Variants in DZIP3 observed in about 807,000 individuals in gnomAD.
DZIP3 encodes DAZ interacting zinc finger protein 3.
A neutral mutation model predicts 162.0 loss-of-function variants in DZIP3; 118 were observed. That is an observed-to-expected ratio of 0.73 (90% CI 0.63 to 0.85). DZIP3 has a LOEUF of 0.85. Ranked by LOEUF, DZIP3 falls within the 40% of genes least tolerant of loss-of-function variation. The pLI, the probability that DZIP3 is intolerant of heterozygous loss-of-function variation, is 0.00. For synonymous variants in DZIP3, 438 were observed against 458.6 expected (o/e 0.96, Z 0.57); for missense variants, 1,331 against 1,407.0 (o/e 0.95, Z 0.86).
chr3:108,631,055 A>ACACACACACACATACACT, intron 8 of DZIP3, among the ~76,000 whole-genome samples: 228 of 18,036 alleles, frequency 0.013, 9 homozygotes, highest in Admixed American at 0.021. Context: ...ACACACACAC[A>ACACACACACACATACACT]CTCTCTCTCT....
intron 21 of DZIP3, among the ~76,000 whole-genome samples, chr3:108,667,776 G>T (rs558414037): frequency 7.2e-4 from 109 of 152,246 alleles, no homozygotes; most frequent in Non-Finnish European, 5.9e-5. Flanking sequence ...AGTATACTTA[G>T]TGGAAATTTT....
chr3:108,637,616 C>A, intron 12 of DZIP3, 68 bp downstream of exon 12: 1 of 1,352,062 alleles, frequency 7.4e-7, no homozygotes, highest in Non-Finnish European at 1.0e-6. Flanking sequence ...TTGCTTAATT[C>A]TTCTGTGTTT....
At chr3:108,674,287 T>C (rs41267025) in intron 24 of DZIP3, 106 bp downstream of exon 24, 220,858 of 900,228 alleles carry the variant, frequency 0.25, 29,382 homozygotes, top group East Asian at 0.46. Flanking sequence ...GACATCAGAG[T>C]TCTTAAAGAA....
intron 12 of DZIP3, among the ~76,000 whole-genome samples, chr3:108,641,305 G>A (rs1412113417): frequency 6.6e-6 from 1 of 151,562 alleles, no homozygotes; most frequent in South Asian, 2.1e-4. Context: ...TTTCTGTTTT[G>A]AACATTATAT....
At position 108,634,910 on chromosome 3, in the gene DZIP3, T is replaced by G; in HGVS notation, c.856T>G (p.Tyr286Asp). ...AATGTGCAGTAAAAGTTGCTGTGTTTATTTCCATAAAATTTGCTGGAAAAA... is the reference window on the plus strand; with the variant it reads ...AATGTGCAGTAAAAGTTGCTGTGTTGATTTCCATAAAATTTGCTGGAAAAA... ...QLMCSKSCCV[Y>D]FHKICWKKFK... The change falls in exon 10 of 33, where the codon TAT becomes GAT. Residue 286 changes from tyrosine (Y) to aspartate (D), a missense_variant. Coordinates refer to ENST00000361582, the MANE Select transcript of DZIP3 (RefSeq NM_014648.4). 6.2e-7 allele frequency: 1 copy of G among 1,610,792 alleles called. No individual in the cohort carries two copies. Among genetic ancestry groups the G allele is most frequent in the Non-Finnish European group, 8.5e-7 (1 of 1,178,258 alleles).
At chr3:108,674,027 C>T (rs1944013755) in intron 23 of DZIP3, 51 bp from the exon 24 acceptor site, 1 of 1,330,216 alleles carries the variant, frequency 7.5e-7, no homozygotes, top group African/African-American at 1.4e-5. Flanking sequence ...AGAGAATGTT[C>T]CTTTACAAGC....
chr3:108,611,387 T>A (rs1017181661), intron 4 of DZIP3, 58 bp downstream of exon 4: 152 of 1,578,432 alleles, frequency 9.6e-5, no homozygotes, highest in Non-Finnish European at 1.2e-4. Context: ...ATGACTTTTT[T>A]AATTAAAATT....
chr3:108,591,313 G>C (rs1315094778), intron 1 of DZIP3, among the ~76,000 whole-genome samples: 2 of 152,226 alleles, frequency 1.3e-5, no homozygotes, highest in Non-Finnish European at 2.9e-5. Flanking sequence ...TAAAGTGTCA[G>C]CTGTCATCTG....
chr3:108,607,045 A>G (rs1940418975), intron 2 of DZIP3, among the ~76,000 whole-genome samples: 1 of 152,166 alleles, frequency 6.6e-6, no homozygotes, highest in Admixed American at 6.5e-5. Flanking sequence ...TTGATAGCAC[A>G]AAGATATAAC....
chr3:108,648,263 T>C, intron 16 of DZIP3, 151 bp downstream of exon 16: 1 of 643,076 alleles, frequency 1.6e-6, no homozygotes, highest in Non-Finnish European at 2.4e-6. Flanking sequence ...CTTTCCTTCC[T>C]TGCCTCAGTA....
At chr3:108,683,620 TACGG>T (rs1343248783) in intron 26 of DZIP3, among the ~76,000 whole-genome samples, 2 of 152,160 alleles carry the variant, frequency 1.3e-5, no homozygotes, top group Non-Finnish European at 2.9e-5. Flanking sequence ...CCCTGGGAAG[TACGG>T]TAATACCCAC....
intron 22 of DZIP3, among the ~76,000 whole-genome samples, chr3:108,671,631 G>A (rs1411403869): frequency 6.6e-6 from 1 of 151,918 alleles, no homozygotes; most frequent in African/African-American, 2.4e-5. Context: ...TTTTAATGCA[G>A]TAACTTCACG....
intron 21 of DZIP3, among the ~76,000 whole-genome samples, chr3:108,667,160 AAAAG>A (rs966053466): frequency 1.2e-4 from 18 of 152,148 alleles, no homozygotes; most frequent in African/African-American, 4.1e-4. Flanking sequence ...TTTCAAAAAA[AAAAG>A]AAACTGAGAA....
In DZIP3 at chr3:108,690,878, G is replaced by A. The variant is rs367842769; in HGVS notation, c.3608G>A (p.Arg1203Gln). 1.1e-5 allele frequency: 18 copies of A among 1,613,978 alleles called. No individual in the cohort carries two copies. The highest frequency in any genetic ancestry group is 1.1e-4 in the African/African-American group (8 of 74,896). Residue 1203 changes from arginine (R) to glutamine (Q), a missense_variant, in exon 32 of 33, where the codon CGG (arginine) becomes CAG (glutamine). By Grantham distance (43) the Arg-to-Gln change is conservative (BLOSUM62 1). Around this residue, in one of 2 missense-constraint regions of DZIP3, gnomAD observed 53 missense variants for 89.9 expected, o/e 0.59. Coordinates refer to ENST00000361582, the MANE Select transcript of DZIP3 (RefSeq NM_014648.4). ...LPEEFPGHPS[R>Q]QLPKI ...GAAGAATTCCCTGGTCACCCCAGCC[G>A]GCAGTTGCCCAAGATCTGATACAAG...
At chr3:108,636,819 G>A in intron 11 of DZIP3, 111 bp downstream of exon 11, 1 of 716,516 alleles carries the variant, frequency 1.4e-6, no homozygotes, top group Non-Finnish European at 2.3e-6. Flanking sequence ...CAGCCATATT[G>A]CCTTTAATGG....
chr3:108,676,323 T>G (rs1338191495), intron 25 of DZIP3, among the ~76,000 whole-genome samples: 2 of 152,016 alleles, frequency 1.3e-5, no homozygotes, highest in African/African-American at 4.8e-5. Flanking sequence ...AAACAAAATT[T>G]GGAATAAAAA....
At chr3:108,659,466 T>A (rs1275685887) in intron 19 of DZIP3, among the ~76,000 whole-genome samples, 1 of 152,086 alleles carries the variant, frequency 6.6e-6, no homozygotes, top group Non-Finnish European at 1.5e-5. Context: ...CTCAATAAAT[T>A]AGGTATTGAT....
chr3:108,661,034 G>C (rs1461713053), intron 19 of DZIP3, among the ~76,000 whole-genome samples: 5 of 152,184 alleles, frequency 3.3e-5, no homozygotes, highest in Non-Finnish European at 5.9e-5. Context: ...TACACTGTTG[G>C]TGGGACTGTA....
At chr3:108,673,103 G>A (rs1943982984) in intron 23 of DZIP3, among the ~76,000 whole-genome samples, 1 of 151,952 alleles carries the variant, frequency 6.6e-6, no homozygotes, top group South Asian at 2.1e-4. Flanking sequence ...TTCTAAGTTA[G>A]AACACCACAG....
Sources: gnomAD v4.1 joint callset for allele counts (sites outside exome capture counted in the v4.1 genomes callset) on GRCh38, gnomAD v4.1.1 for gene constraint, gnomAD v4.1.1 regional missense constraint, MANE v1.5 for transcripts, NCBI Gene and HGNC (gene_info 2026-07-23, HGNC 2026-07-21) for gene names.